NEMP2: variants seen among roughly 807,000 people sequenced by gnomAD.
NEMP2 encodes the protein UPF0571 transmembrane protein.
NEMP2 carries 53 observed loss-of-function variants against 54.2 expected under a neutral mutation model. That is an observed-to-expected ratio of 0.98 (90% CI 0.78 to 1.23). The LOEUF (loss-of-function observed/expected upper bound fraction) is 1.23. Among genes scored for constraint, NEMP2 ranks in the 50% most tolerant of loss-of-function variants. The probability of loss-of-function intolerance (pLI) is 0.00; values close to 1 mark genes in which losing one functional copy is unlikely to be tolerated. For missense variants in NEMP2, 455 were observed against 511.3 expected (o/e 0.89, Z 1.06); for synonymous variants, 197 against 190.3 (o/e 1.04, Z -0.29).
chr2:190,595,486 A>G, the NEMP2 span, among the ~76,000 whole-genome samples: 3 of 152,224 alleles, frequency 2.0e-5, no homozygotes, highest in African/African-American at 7.2e-5. The surrounding 1 kb of genome is among the most constrained non-coding windows in gnomAD (Gnocchi z 4.0). Flanking sequence ...AGTGGGAAAA[A>G]ATTTTTGTAA....
In NEMP2 at chr2:190,520,687, T is replaced by TAA. The variant is rs754651038; in HGVS notation, c.214-1505_214-1504insTT. Among the ~76,000 whole-genome samples, 1 of 152,146 alleles carries TAA rather than the reference T, an allele frequency of 6.6e-6. No individual in the cohort carries two copies. The highest frequency in any genetic ancestry group is 1.5e-5 in the Non-Finnish European group (1 of 68,020). On this transcript the variant is annotated intron_variant, in intron 2 of 8. Coordinates refer to ENST00000409150, the MANE Select transcript of NEMP2 (RefSeq NM_001142645.2). The surrounding 1 kb of genome is among the most constrained non-coding windows in gnomAD (Gnocchi z 5.4). The stretch of plus-strand genomic sequence containing the variant: ...TCAGTTCCTGGGACTCCTTTCCTCT[T>TAA]ATGCTCTTGTCCTCCCTACCTCAGC...
the NEMP2 span, among the ~76,000 whole-genome samples, chr2:190,644,648 AAAATC>A: frequency 6.6e-6 from 1 of 152,150 alleles, no homozygotes; most frequent in African/African-American, 2.4e-5. The surrounding 1 kb of genome is among the most constrained non-coding windows in gnomAD (Gnocchi z 4.4). Flanking sequence ...ACAGGAACAG[AAAATC>A]AAATACCTCA....
At chr2:190,516,647 CTTGCATGT>C (rs1321529973) in intron 5 of NEMP2, among the ~76,000 whole-genome samples, 1 of 152,146 alleles carries the variant, frequency 6.6e-6, no homozygotes, top group African/African-American at 2.4e-5. Flanking sequence ...TCCCATCTAG[CTTGCATGT>C]ACACTGAAGT....
chr2:190,543,460 TG>T, the NEMP2 span, among the ~76,000 whole-genome samples: 2 of 152,220 alleles, frequency 1.3e-5, no homozygotes, highest in South Asian at 4.1e-4. This position sits in a 1 kb window ranked among gnomAD's most constrained non-coding sequence, Gnocchi z 4.7. Context: ...CTCACCATCT[TG>T]GGTTCCCTGG....
the NEMP2 span, chr2:190,620,203 G>T: frequency 6.6e-6 from 1 of 152,134 alleles, no homozygotes; most frequent in East Asian, 1.9e-4. The surrounding 1 kb of genome is among the most constrained non-coding windows in gnomAD (Gnocchi z 4.9). Flanking sequence ...ACTTCCTGCT[G>T]TCTATTTTAT....
chr2:190,626,271 T>C, the NEMP2 span: 1 of 152,098 alleles, frequency 6.6e-6, no homozygotes, highest in African/African-American at 2.4e-5. The surrounding 1 kb of genome is among the most constrained non-coding windows in gnomAD (Gnocchi z 4.5). Context: ...GGGACACAAA[T>C]ATTCAGTCCA....
the NEMP2 span, among the ~76,000 whole-genome samples, chr2:190,564,274 G>A: frequency 1.3e-5 from 2 of 152,178 alleles, no homozygotes; most frequent in Non-Finnish European, 2.9e-5. This position sits in a 1 kb window ranked among gnomAD's most constrained non-coding sequence, Gnocchi z 4.2. Flanking sequence ...CATAACTAAT[G>A]TGAACTCCAG....
the NEMP2 span, among the ~76,000 whole-genome samples, chr2:190,594,392 T>C: frequency 1.3e-5 from 2 of 152,194 alleles, no homozygotes; most frequent in Admixed American, 6.6e-5. This position sits in a 1 kb window ranked among gnomAD's most constrained non-coding sequence, Gnocchi z 5.6. Flanking sequence ...GTCTATAGTA[T>C]AGAAACATGT....
intron 1 of NEMP2, 200 bp downstream of exon 1, chr2:190,534,359 C>T (rs1691280629): frequency 8.3e-6 from 10 of 1,203,766 alleles, no homozygotes; most frequent in African/African-American, 3.2e-5. Context: ...TGTCCAACTG[C>T]CAGGCGAGAG....
chr2:190,646,531 A>T, the NEMP2 span, among the ~76,000 whole-genome samples: 2 of 152,376 alleles, frequency 1.3e-5, no homozygotes, highest in East Asian at 3.9e-4. Flanking sequence ...GATGCTTAAA[A>T]GCTTAAAATT....
chr2:190,425,828 T>C, the NEMP2 span, among the ~76,000 whole-genome samples: 33,870 of 152,074 alleles, frequency 0.22, 4,839 homozygotes, highest in South Asian at 0.33. The surrounding 1 kb of genome is among the most constrained non-coding windows in gnomAD (Gnocchi z 4.3). Flanking sequence ...ACAGTCTTTT[T>C]TTCTGGATAT....
At chr2:190,488,646 T>C in the NEMP2 span, 2 of 1,489,728 alleles carry the variant, frequency 1.3e-6, no homozygotes, top group East Asian at 2.5e-5. The surrounding 1 kb of genome is among the most constrained non-coding windows in gnomAD (Gnocchi z 6.4). Flanking sequence ...CCTGCTCTTC[T>C]TCCTCTCCAG....
rs1466995216 is a variant in NEMP2 at position 190,529,249 on chromosome 2, T to A, written c.98-3871A>T. 6.6e-6 allele frequency among the ~76,000 whole-genome samples: 1 copy of A among 152,136 alleles called. No individual in the cohort carries two copies. The highest frequency in any genetic ancestry group is 6.5e-5 in the Admixed American group (1 of 15,282). On this transcript the variant is annotated intron_variant, in intron 1 of 8. Transcript: ENST00000409150. This position sits in a 1 kb window ranked among gnomAD's most constrained non-coding sequence, Gnocchi z 4.7. Reference sequence around the variant, plus strand: ...CATTTACCTGCTTAAAACCCTCCAATGGTTTCCTTTTACACCATTAATAAA... The same window carrying A: ...CATTTACCTGCTTAAAACCCTCCAAAGGTTTCCTTTTACACCATTAATAAA...
the NEMP2 span, among the ~76,000 whole-genome samples, chr2:190,452,469 C>T: frequency 6.6e-6 from 1 of 152,070 alleles, no homozygotes; most frequent in African/African-American, 2.4e-5. Context: ...TTGTTATGTC[C>T]ATTTTAGAGA....
At chr2:190,613,118 A>G in the NEMP2 span, among the ~76,000 whole-genome samples, 2 of 152,184 alleles carry the variant, frequency 1.3e-5, no homozygotes, top group African/African-American at 4.8e-5. Context: ...AGTGAAAATG[A>G]TCTGACCTAA....
At chr2:190,434,954 G>A in the NEMP2 span, among the ~76,000 whole-genome samples, 1 of 152,188 alleles carries the variant, frequency 6.6e-6, no homozygotes, top group Admixed American at 6.5e-5. The surrounding 1 kb of genome is among the most constrained non-coding windows in gnomAD (Gnocchi z 4.3). Context: ...TTGCATAGGA[G>A]CATGAACGCT....
chr2:190,541,831 G>A, the NEMP2 span, among the ~76,000 whole-genome samples: 1 of 151,664 alleles, frequency 6.6e-6, no homozygotes, highest in Non-Finnish European at 1.5e-5. This position sits in a 1 kb window ranked among gnomAD's most constrained non-coding sequence, Gnocchi z 5.2. Flanking sequence ...CTCTATATTT[G>A]AAAGATAGCT....
chr2:190,442,353 A>G, the NEMP2 span, among the ~76,000 whole-genome samples: 4 of 152,142 alleles, frequency 2.6e-5, no homozygotes, highest in Non-Finnish European at 4.4e-5. Flanking sequence ...GTTGGAAAAA[A>G]CAGGAGAGAC....
In NEMP2 at chr2:190,504,578, C is replaced by T. The variant is rs940657983; in HGVS notation, c.*4611G>A. On this transcript the variant is annotated 3_prime_UTR_variant, in exon 9 of 9. Transcript: ENST00000409150. The surrounding 1 kb of genome is among the most constrained non-coding windows in gnomAD (Gnocchi z 5.6). Reference sequence around the variant, plus strand: ...ATGATGGTGACAATTCCATAAAGTGCAAAAGTCTGCTGAGAGAGGTTATAA... The same window carrying T: ...ATGATGGTGACAATTCCATAAAGTGTAAAAGTCTGCTGAGAGAGGTTATAA... 4 of 152,040 alleles carry T rather than the reference C, an allele frequency of 2.6e-5. No individual in the cohort carries two copies. The highest frequency in any genetic ancestry group is 4.4e-5 in the Non-Finnish European group (3 of 68,012). 9.4% of individuals were successfully genotyped at this position (152,040 alleles called of 1,614,324 possible).
Sources: allele counts gnomAD v4.1 joint callset (sites outside exome capture counted in the v4.1 genomes callset), GRCh38; gene constraint gnomAD v4.1.1; non-coding constraint Gnocchi (gnomAD v3.1); transcripts MANE v1.5; gene names NCBI Gene and HGNC (gene_info 2026-07-23, HGNC 2026-07-21).